SLC25A28: variants seen among roughly 807,000 people sequenced by gnomAD.
SLC25A28 encodes mitoferrin-2.
SLC25A28 carries 10 observed loss-of-function variants against 31.9 expected under a neutral mutation model. The observed-to-expected ratio is 0.31, with a 90% CI of 0.19 to 0.53. The LOEUF is 0.53. Ranked by LOEUF, SLC25A28 falls within the 20% of genes least tolerant of loss-of-function variation. SLC25A28 has a pLI of 0.95. For missense variants in SLC25A28, 256 were observed against 490.3 expected (o/e 0.52, Z 4.51); for synonymous variants, 208 against 203.6 (o/e 1.02, Z -0.19).
At chr10:99,658,652 A>G in the SLC25A28 span, among the ~76,000 whole-genome samples, 2 of 152,074 alleles carry the variant, frequency 1.3e-5, no homozygotes, top group Admixed American at 6.6e-5. Flanking sequence ...GAATGAGCAA[A>G]ACAGGACGCG....
the SLC25A28 span, among the ~76,000 whole-genome samples, chr10:99,648,890 A>C: frequency 6.6e-6 from 1 of 152,332 alleles, no homozygotes; most frequent in South Asian, 2.1e-4. Context: ...ATAGAAGATC[A>C]TATCATCAGC....
intron 1 of SLC25A28, chr10:99,617,204 T>A: frequency 1.0e-6 from 1 of 985,446 alleles, no homozygotes; most frequent in Non-Finnish European, 1.2e-6. Flanking sequence ...ATAGATAAAG[T>A]CTGGCGCTTG....
At chr10:99,654,240 C>A in the SLC25A28 span, among the ~76,000 whole-genome samples, 1 of 152,142 alleles carries the variant, frequency 6.6e-6, no homozygotes, top group South Asian at 2.1e-4. Context: ...CAACATAAAT[C>A]TCTGATTCAC....
intron 1 of SLC25A28, among the ~76,000 whole-genome samples, chr10:99,619,831 A>T (rs1346608348): frequency 6.6e-6 from 1 of 152,192 alleles, no homozygotes; most frequent in African/African-American, 2.4e-5. Flanking sequence ...TTCAGATTTC[A>T]CTGACGGTTA....
chr10:99,636,907 A>G, the SLC25A28 span, among the ~76,000 whole-genome samples: 13 of 152,192 alleles, frequency 8.5e-5, no homozygotes, highest in African/African-American at 3.1e-4. Flanking sequence ...TCCACAAGAT[A>G]GAGAAAGAGA....
the SLC25A28 span, among the ~76,000 whole-genome samples, chr10:99,647,241 T>A: frequency 2.0e-5 from 3 of 152,234 alleles, no homozygotes; most frequent in African/African-American, 7.2e-5. Flanking sequence ...ATCTCCATAC[T>A]GTTTTCCATA....
Position 99,620,411 on chromosome 10 carries a change from G to C in SLC25A28, c.-76C>G. On this transcript the variant is annotated 5_prime_UTR_variant, in exon 1 of 4. Coordinates refer to ENST00000370495, the MANE Select transcript of SLC25A28 (RefSeq NM_031212.4). ...CGCCGCCGCCCCCCGGCCCCGTAGT[G>C]TCCGCCTCAGGCGCGGCCCAGAGAG... The C allele has an allele frequency of 9.5e-7, 1 of 1,053,088 alleles. No individual in the cohort carries two copies. Among genetic ancestry groups the C allele is most frequent in the Non-Finnish European group, 1.1e-6 (1 of 874,896 alleles). 65.2% of individuals were successfully genotyped at this position (1,053,088 alleles called of 1,614,324 possible).
At position 99,611,834 on chromosome 10, in the gene SLC25A28, G is replaced by T. The variant is rs1295720989; in HGVS notation, c.578-468C>A. ...TCCTCCTAGAGGGGAGGAGACAGAAGTTCTACCAAAGAAAAGATTCTTAGC... is the reference window on the plus strand; with the variant it reads ...TCCTCCTAGAGGGGAGGAGACAGAATTTCTACCAAAGAAAAGATTCTTAGC... On this transcript the variant is annotated intron_variant, in intron 3 of 3. Transcript: ENST00000370495. This position sits in a 1 kb window ranked among gnomAD's most constrained non-coding sequence, Gnocchi z 5.5. Among the ~76,000 whole-genome samples the T allele has an allele frequency of 6.6e-6, 1 of 152,150 alleles. No individual in the cohort carries two copies. The highest frequency in any genetic ancestry group is 2.1e-4 in the South Asian group (1 of 4,826).
At chr10:99,619,779 G>A (rs1255166050) in intron 1 of SLC25A28, among the ~76,000 whole-genome samples, 1 of 152,234 alleles carries the variant, frequency 6.6e-6, no homozygotes, top group Non-Finnish European at 1.5e-5. Context: ...CCCAGGTGGG[G>A]TCCAGGGCTT....
the SLC25A28 span, among the ~76,000 whole-genome samples, chr10:99,634,889 G>C: frequency 1.3e-5 from 2 of 152,196 alleles, no homozygotes; most frequent in Non-Finnish European, 2.9e-5. Flanking sequence ...TAAGAGCTGT[G>C]AGACAAAAGC....
the SLC25A28 span, among the ~76,000 whole-genome samples, chr10:99,639,238 GA>G: frequency 7.3e-5 from 11 of 151,542 alleles, no homozygotes; most frequent in Admixed American, 2.6e-4. Context: ...CTCAGGAATG[GA>G]AAACCAAACA....
chr10:99,620,249 C>T lies in SLC25A28; in HGVS notation c.87G>A (p.Leu29=). The T allele has an allele frequency of 7.7e-7, 1 of 1,300,400 alleles. No homozygotes were observed. The highest frequency in any genetic ancestry group is 9.7e-7 in the Non-Finnish European group (1 of 1,027,506). 80.6% of individuals were successfully genotyped at this position (1,300,400 alleles called of 1,614,324 possible). The change falls in exon 1 of 4, where the codon CTG becomes CTA. Residue 29 remains leucine, a synonymous_variant. Transcript: ENST00000370495. The stretch of plus-strand genomic sequence containing the variant: ...CCACGCCCCGCTGCAGCCACCCGTC[C>T]AGCAGCGCCGACTCCCCGGGGCTCC... The part of the protein sequence containing the change: ...PGRSPGESAL[L]DGWLQRGVGR...
the SLC25A28 span, among the ~76,000 whole-genome samples, chr10:99,648,710 T>TATTGTAAATAGG: frequency 3.5e-4 from 50 of 142,194 alleles, no homozygotes; most frequent in African/African-American, 1.2e-3. Flanking sequence ...TTTTTGTAGC[T>TATTGTAAATAGG]ATTGTAAATA....
chr10:99,639,722 T>TAC, the SLC25A28 span, among the ~76,000 whole-genome samples: 35,825 of 130,906 alleles, frequency 0.27, 4,871 homozygotes, highest in Non-Finnish European at 0.29. Flanking sequence ...GCACCATGGG[T>TAC]ACACACACAC....
chr10:99,642,366 C>T, the SLC25A28 span, among the ~76,000 whole-genome samples: 6 of 152,114 alleles, frequency 3.9e-5, no homozygotes, highest in African/African-American at 1.4e-4. Flanking sequence ...TGGCTCTCTG[C>T]TTGTCTGTTA....
At chr10:99,649,469 A>G in the SLC25A28 span, among the ~76,000 whole-genome samples, 10 of 152,198 alleles carry the variant, frequency 6.6e-5, no homozygotes, top group African/African-American at 1.2e-4. Context: ...GCCTTGTAGA[A>G]TGAGTTAAGG....
At chr10:99,620,878 G>C (rs1302565064), upstream of SLC25A28, 1 of 985,484 alleles carries the variant, frequency 1.0e-6, no homozygotes, top group South Asian at 4.7e-5. Context: ...CCCTGTGCGC[G>C]GGATCGCGTC....
the SLC25A28 span, among the ~76,000 whole-genome samples, chr10:99,648,840 CT>C: frequency 2.0e-5 from 3 of 151,942 alleles, no homozygotes; most frequent in Non-Finnish European, 4.4e-5. Context: ...AATCTAAAAG[CT>C]TTTTTGGAGG....
chr10:99,616,742 G>A (rs914559288), intron 1 of SLC25A28: 2 of 985,148 alleles, frequency 2.0e-6, no homozygotes, highest in Non-Finnish European at 2.4e-6. Flanking sequence ...AGGCTTGAGA[G>A]TCTGATACAC....
Sources: allele counts gnomAD v4.1 joint callset (sites outside exome capture counted in the v4.1 genomes callset), GRCh38; gene constraint gnomAD v4.1.1; non-coding constraint Gnocchi (gnomAD v3.1); transcripts MANE v1.5; gene names NCBI Gene and HGNC (gene_info 2026-07-23, HGNC 2026-07-21).